The following LSM12 variants were observed in gnomAD, a reference collection of about 807,000 sequenced individuals.
LSM12 encodes the protein protein LSM12.
For synonymous variants in LSM12, 74 were observed against 87.3 expected, an observed-to-expected ratio of 0.85 and a Z score of 0.85; for missense variants, 108 against 238.9, an observed-to-expected ratio of 0.45 and a Z score of 3.61.
Position 44,040,128 on chromosome 17 carries a change from C to G in LSM12, c.368+19G>C, listed in dbSNP as rs1176817243. The G allele has an allele frequency of 1.3e-6, 2 of 1,593,604 alleles. No individual in the cohort carries two copies. The highest frequency in any genetic ancestry group is 8.6e-7 in the Non-Finnish European group (1 of 1,162,526). ...GTAGCATTACCCCAGGACAAAGGAC[C>G]TCTCCGATCCCAACTCACGTCTTGT... On this transcript the variant is annotated intron_variant, in intron 3 of 4. Transcript: ENST00000293406.
chr17:44,062,490 A>T (rs567676527), intron 2 of LSM12, among the ~76,000 whole-genome samples: 2 of 152,318 alleles, frequency 1.3e-5, no homozygotes, highest in South Asian at 4.1e-4. Context: ...GTCATTCTGG[A>T]AGGAAAAATG....
chr17:44,062,314 A>C (rs2049808324), intron 2 of LSM12, among the ~76,000 whole-genome samples: 1 of 152,094 alleles, frequency 6.6e-6, no homozygotes, highest in African/African-American at 2.4e-5. Context: ...CTTTACTCTC[A>C]AAAATGTCCC....
At chr17:44,063,770 T>C in intron 2 of LSM12, 31 bp downstream of exon 2, 4 of 1,595,010 alleles carry the variant, frequency 2.5e-6, no homozygotes, top group Non-Finnish European at 3.4e-6. Context: ...CCCACCATTT[T>C]AGAGAGCCAG....
intron 2 of LSM12, among the ~76,000 whole-genome samples, chr17:44,058,877 G>T (rs545211215): frequency 6.6e-6 from 1 of 152,024 alleles, no homozygotes. Flanking sequence ...GTTTGTGCCG[G>T]TAGTCCCAGC....
intron 2 of LSM12, among the ~76,000 whole-genome samples, chr17:44,045,719 C>T (rs931636742): frequency 6.6e-6 from 1 of 152,096 alleles, no homozygotes; most frequent in Non-Finnish European, 1.5e-5. Context: ...CACAGAAGCA[C>T]ACCACCACGC....
At chr17:44,051,012 G>A (rs906701779) in intron 2 of LSM12, among the ~76,000 whole-genome samples, 1 of 151,992 alleles carries the variant, frequency 6.6e-6, no homozygotes, top group Non-Finnish European at 1.5e-5. Context: ...AGTGGCTCAC[G>A]CCTGTAATCC....
At chr17:44,062,651 C>T (rs2049813797) in intron 2 of LSM12, among the ~76,000 whole-genome samples, 1 of 152,084 alleles carries the variant, frequency 6.6e-6, no homozygotes, top group Non-Finnish European at 1.5e-5. Context: ...CTTTGGGAGG[C>T]TGAGGCAGGC....
intron 2 of LSM12, among the ~76,000 whole-genome samples, chr17:44,061,651 T>A (rs1029452470): frequency 6.6e-6 from 1 of 152,204 alleles, no homozygotes; most frequent in Non-Finnish European, 1.5e-5. Flanking sequence ...TGCCTAAGTG[T>A]TTCCTTGCTT....
chr17:44,054,961 C>T (rs1039594225), intron 2 of LSM12, among the ~76,000 whole-genome samples: 1 of 151,998 alleles, frequency 6.6e-6, no homozygotes, highest in Admixed American at 6.6e-5. Context: ...GTCTCAGCCT[C>T]CCAAGCAGCT....
chr17:44,050,803 G>T (rs1010705920), intron 2 of LSM12, among the ~76,000 whole-genome samples: 3 of 152,180 alleles, frequency 2.0e-5, no homozygotes, highest in Non-Finnish European at 4.4e-5. Context: ...TTACAGGCAT[G>T]AGCCACCGCG....
chr17:44,050,222 C>T (rs2049624823), intron 2 of LSM12, among the ~76,000 whole-genome samples: 1 of 151,830 alleles, frequency 6.6e-6, no homozygotes, highest in South Asian at 2.1e-4. Flanking sequence ...GCCTCAGCCT[C>T]CCAAGTAGCT....
upstream of LSM12, chr17:44,066,681 G>A (rs999503661): frequency 2.4e-6 from 3 of 1,239,724 alleles, no homozygotes; most frequent in Non-Finnish European, 3.0e-6. Context: ...CGCGCACGGA[G>A]CGTGCTTGCG....
intron 3 of LSM12, among the ~76,000 whole-genome samples, 178 bp downstream of exon 3, chr17:44,039,969 T>C (rs2049466664): frequency 6.6e-6 from 1 of 152,214 alleles, no homozygotes; most frequent in Non-Finnish European, 1.5e-5. Context: ...ATTACACTAT[T>C]CTTCTGTGTG....
intron 2 of LSM12, among the ~76,000 whole-genome samples, chr17:44,056,845 GC>G (rs1336864725): frequency 6.6e-6 from 1 of 152,062 alleles, no homozygotes; most frequent in Non-Finnish European, 1.5e-5. Context: ...TACAAAATTA[GC>G]CAGGTGGGGT....
intron 2 of LSM12, among the ~76,000 whole-genome samples, chr17:44,061,801 G>T (rs2049798821): frequency 6.6e-6 from 1 of 152,090 alleles, no homozygotes; most frequent in Admixed American, 6.6e-5. Context: ...AAAATTGGAG[G>T]CATCTTATTC....
At chr17:44,043,548 CTTTTTTT>C (rs34478151) in intron 2 of LSM12, among the ~76,000 whole-genome samples, 2 of 134,228 alleles carry the variant, frequency 1.5e-5, no homozygotes, top group Non-Finnish European at 3.2e-5. Context: ...GAGGAGTTTC[CTTTTTTT>C]TTTTTTTTTT....
intron 2 of LSM12, among the ~76,000 whole-genome samples, chr17:44,055,341 G>A (rs1039115363): frequency 1.7e-4 from 25 of 151,510 alleles, no homozygotes; most frequent in African/African-American, 5.3e-4. Flanking sequence ...TACTGGACAC[G>A]TCCATACCTC....
intron 2 of LSM12, among the ~76,000 whole-genome samples, chr17:44,044,879 T>C (rs1318462410): frequency 2.0e-5 from 3 of 152,214 alleles, no homozygotes; most frequent in Admixed American, 6.5e-5. Flanking sequence ...CAAATGACTA[T>C]ATACCTATAA....
chr17:44,037,111 G>C (rs1417586632), intron 4 of LSM12: 3 of 225,792 alleles, frequency 1.3e-5, no homozygotes, highest in Non-Finnish European at 2.6e-5. Flanking sequence ...CTCTAAAAAA[G>C]AAAAACTCAA....
Sources: gnomAD v4.1 joint callset for allele counts (sites outside exome capture counted in the v4.1 genomes callset) on GRCh38, gnomAD v4.1.1 for gene constraint, MANE v1.5 for transcripts, NCBI Gene and HGNC (gene_info 2026-07-23, HGNC 2026-07-21) for gene names.